NALF1: variants seen among roughly 807,000 people sequenced by gnomAD.
NALF1 encodes family with sequence similarity 155 member A.
NALF1 carries 3 observed loss-of-function variants against 48.4 expected under a neutral mutation model. That is an observed-to-expected ratio of 0.06 (90% CI 0.03 to 0.16). NALF1 has a LOEUF of 0.16. Ranked by LOEUF, NALF1 falls within the 10% of genes least tolerant of loss-of-function variation. The probability of loss-of-function intolerance (pLI) is 1.00; values close to 1 mark genes in which losing one functional copy is unlikely to be tolerated. For synonymous variants in NALF1, 262 were observed against 245.7 expected, an observed-to-expected ratio of 1.07 and a Z score of -0.62; for missense variants, 526 against 571.5, an observed-to-expected ratio of 0.92 and a Z score of 0.81.
chr13:107,212,848 G>C (rs559826906), intron 1 of NALF1, among the ~76,000 whole-genome samples: 2 of 152,212 alleles, frequency 1.3e-5, no homozygotes, highest in South Asian at 4.1e-4. Flanking sequence ...CTTGCTTTCC[G>C]CACATTTCTG....
chr13:107,548,138 TC>T (rs1374007453), intron 1 of NALF1, among the ~76,000 whole-genome samples: 1 of 152,040 alleles, frequency 6.6e-6, no homozygotes, highest in Non-Finnish European at 1.5e-5. Context: ...CCCTCCATCC[TC>T]GAGTAGCCCC....
chr13:107,420,927 T>C (rs1884175181), intron 1 of NALF1, among the ~76,000 whole-genome samples: 1 of 152,176 alleles, frequency 6.6e-6, no homozygotes, highest in Non-Finnish European at 1.5e-5. Flanking sequence ...TTTCTAGGCA[T>C]GCTATCTAAT....
chr13:107,253,518 C>T lies in NALF1; in HGVS notation c.916-42763G>A, dbSNP rs75555239. On this transcript the variant is annotated intron_variant, in intron 1 of 2. Coordinates refer to ENST00000375915, the MANE Select transcript of NALF1 (RefSeq NM_001080396.3). ...ACATTGAGCTGGGGAAAGTCCTCTC[C>T]GTGTCCTCAGCATCTCTCACACTTG... Among the ~76,000 whole-genome samples the T allele has an allele frequency of 3.3e-3, 501 of 152,246 alleles. 2 individuals are homozygous for T. The highest frequency in any genetic ancestry group is 0.012 in the African/African-American group (483 of 41,538).
chr13:107,574,915 T>C (rs913127862), intron 1 of NALF1, among the ~76,000 whole-genome samples: 1 of 152,124 alleles, frequency 6.6e-6, no homozygotes, highest in Non-Finnish European at 1.5e-5. Context: ...TTTGACAACT[T>C]AGAGATAGTA....
chr13:107,505,719 A>ATGGT (rs1316336176), intron 1 of NALF1, among the ~76,000 whole-genome samples: 1 of 152,190 alleles, frequency 6.6e-6, no homozygotes, highest in Non-Finnish European at 1.5e-5. Context: ...ATAAACAGAG[A>ATGGT]TGGTCAAGAG....
chr13:107,299,435 CAATAATAATAATAATAAT>C (rs549026613), intron 1 of NALF1, among the ~76,000 whole-genome samples: 1 of 124,146 alleles, frequency 8.1e-6, no homozygotes, highest in Non-Finnish European at 1.7e-5. Flanking sequence ...GACTTTGTCT[CAATAATAATAATAATAAT>C]AATAATAATA....
chr13:107,278,238 T>C (rs2138870107), intron 1 of NALF1, among the ~76,000 whole-genome samples: 1 of 152,364 alleles, frequency 6.6e-6, no homozygotes, highest in Non-Finnish European at 1.5e-5. Flanking sequence ...GTACTCAAAA[T>C]AGGTCTTGAT....
intron 1 of NALF1, among the ~76,000 whole-genome samples, chr13:107,709,190 C>T (rs1456358916): frequency 6.6e-6 from 1 of 152,144 alleles, no homozygotes; most frequent in Non-Finnish European, 1.5e-5. Flanking sequence ...AATATCACTT[C>T]CAAGGGCTCA....
At chr13:107,244,380 T>G (rs1880536967) in intron 1 of NALF1, among the ~76,000 whole-genome samples, 1 of 152,246 alleles carries the variant, frequency 6.6e-6, no homozygotes, top group Non-Finnish European at 1.5e-5. Context: ...TTACTTCTTA[T>G]GTAAAAGCTA....
intron 1 of NALF1, among the ~76,000 whole-genome samples, chr13:107,401,530 A>G (rs1427834697): frequency 1.3e-5 from 2 of 152,226 alleles, no homozygotes; most frequent in African/African-American, 4.8e-5. Flanking sequence ...AATACTGGAG[A>G]TAAATTAAAG....
At chr13:107,193,900 T>TAG (rs34823936) in intron 2 of NALF1, among the ~76,000 whole-genome samples, 74,248 of 150,586 alleles carry the variant, frequency 0.49, 18,462 homozygotes, top group Middle Eastern at 0.57. Flanking sequence ...GAGCTGGCAC[T>TAG]AGAGAGAGAG....
intron 1 of NALF1, among the ~76,000 whole-genome samples, chr13:107,712,576 C>T (rs946257350): frequency 2.6e-5 from 4 of 152,166 alleles, no homozygotes; most frequent in East Asian, 1.9e-4. Context: ...CATGGGGTCA[C>T]GCAGATGCAG....
chr13:107,278,998 C>T (rs1361168256), intron 1 of NALF1, among the ~76,000 whole-genome samples: 2 of 151,346 alleles, frequency 1.3e-5, no homozygotes, highest in African/African-American at 4.9e-5. Flanking sequence ...AACTGGTTAC[C>T]CGTCTATTCA....
At chr13:107,768,393 T>G (rs773747113) in intron 1 of NALF1, among the ~76,000 whole-genome samples, 7 of 152,204 alleles carry the variant, frequency 4.6e-5, no homozygotes, top group Non-Finnish European at 8.8e-5. Flanking sequence ...AGACTCATTT[T>G]AAGGATTAGA....
At chr13:107,422,717 G>C (rs769270485) in intron 1 of NALF1, among the ~76,000 whole-genome samples, 1 of 152,116 alleles carries the variant, frequency 6.6e-6, no homozygotes, top group Non-Finnish European at 1.5e-5. Context: ...GGACTTTGCA[G>C]ATGTGATTAA....
chr13:107,538,646 G>A (rs1043796899), intron 1 of NALF1, among the ~76,000 whole-genome samples: 1 of 151,976 alleles, frequency 6.6e-6, no homozygotes, highest in Non-Finnish European at 1.5e-5. Context: ...CATAGATCCT[G>A]TTTCTCATTG....
intron 1 of NALF1, among the ~76,000 whole-genome samples, chr13:107,416,008 T>C (rs1884078617): frequency 1.3e-5 from 2 of 150,206 alleles, no homozygotes; most frequent in South Asian, 4.3e-4. Flanking sequence ...TGCAGATTTT[T>C]TTTTCTTTTT....
chr13:107,459,638 C>G (rs1436008006), intron 1 of NALF1, among the ~76,000 whole-genome samples: 3 of 152,224 alleles, frequency 2.0e-5, no homozygotes, highest in Non-Finnish European at 4.4e-5. Context: ...AAAAGCCACA[C>G]AGGCCCTGAA....
intron 1 of NALF1, among the ~76,000 whole-genome samples, chr13:107,271,740 T>C (rs1881169826): frequency 6.8e-6 from 1 of 147,338 alleles, no homozygotes; most frequent in Non-Finnish European, 1.5e-5. Context: ...GTGTGCTTAA[T>C]AAATGTAGTT....
Sources: allele counts gnomAD v4.1 joint callset (sites outside exome capture counted in the v4.1 genomes callset), GRCh38; gene constraint gnomAD v4.1.1; transcripts MANE v1.5; gene names NCBI Gene and HGNC (gene_info 2026-07-23, HGNC 2026-07-21).